BEND2: variants seen among roughly 807,000 people sequenced by gnomAD.
BEND2 encodes BEN domain containing 2, also known as BEN domain-containing protein 2.
A neutral mutation model predicts 43.8 loss-of-function variants in BEND2; 19 were observed. The observed-to-expected ratio is 0.43, with a 90% CI of 0.30 to 0.64. BEND2 has a LOEUF of 0.64. Among genes scored for constraint, BEND2 ranks in the 30% least tolerant of loss-of-function variants. The pLI is 0.11. For missense variants in BEND2, 544 were observed against 574.0 expected, an observed-to-expected ratio of 0.95 and a Z score of 0.53; for synonymous variants, 226 against 210.1, an observed-to-expected ratio of 1.08 and a Z score of -0.66.
intron 13 of BEND2, among the ~76,000 whole-genome samples, chrX:18,168,806 A>T (rs1923888577): frequency 8.9e-6 from 1 of 111,888 alleles, no homozygotes; most frequent in Non-Finnish European, 1.9e-5. Context: ...CAAATAACAA[A>T]ATATTAGGGT....
chrX:18,208,579 T>G (rs1450652993), intron 4 of BEND2, among the ~76,000 whole-genome samples: 2 of 111,517 alleles, frequency 1.8e-5, no homozygotes, highest in African/African-American at 6.5e-5. Context: ...ATATTTATAT[T>G]TTTAAATTCT....
Position 18,219,528 on chromosome X carries a change from G to A in BEND2, c.25+1198C>T, listed in dbSNP as rs773710332. On this transcript the variant is annotated intron_variant, in intron 1 of 13. Transcript: ENST00000380033. ...CACAGTCTGTCTCTAAATCAAACTCGGTTACCATCAAAGCCTCAGACTCTA... is the reference window on the plus strand; with the variant it reads ...CACAGTCTGTCTCTAAATCAAACTCAGTTACCATCAAAGCCTCAGACTCTA... 8.0e-5 allele frequency among the ~76,000 whole-genome samples: 9 copies of A among 112,816 alleles called. No individual in the cohort carries two copies. In the South Asian group the frequency reaches 3.3e-3, roughly 41 times the overall value.
chrX:18,166,898 A>T (rs142992285), intron 13 of BEND2, among the ~76,000 whole-genome samples: 1 of 110,119 alleles, frequency 9.1e-6, no homozygotes, highest in East Asian at 2.8e-4. Context: ...CTCCAAAATA[A>T]AAGAAACTGA....
intron 1 of BEND2, among the ~76,000 whole-genome samples, chrX:18,217,135 A>G (rs1249142130): frequency 1.8e-5 from 2 of 112,863 alleles, no homozygotes; most frequent in African/African-American, 6.4e-5. Flanking sequence ...TCTAAAAACT[A>G]ATATTAATGT....
At chrX:18,208,248 G>A (rs913826206) in intron 4 of BEND2, among the ~76,000 whole-genome samples, 20 of 110,723 alleles carry the variant, frequency 1.8e-4, no homozygotes, top group Non-Finnish European at 3.4e-4. Flanking sequence ...AGCACTTTGG[G>A]AGGCCGGGGC....
chrX:18,208,927 A>T (rs1602052601), intron 4 of BEND2, among the ~76,000 whole-genome samples: 1 of 111,221 alleles, frequency 9.0e-6, no homozygotes, highest in East Asian at 2.8e-4. Flanking sequence ...CTCCAACTAA[A>T]GGAACCGGGG....
In BEND2 at chrX:18,197,360, G is replaced by A. The variant is rs748304806; in HGVS notation, c.1034-1918C>T. Among the ~76,000 whole-genome samples, 4 of 111,678 alleles carry A rather than the reference G, an allele frequency of 3.6e-5. No homozygotes were observed. The South Asian group carries it at 1.1e-3, about 32-fold the overall frequency. On this transcript the variant is annotated intron_variant, in intron 6 of 13. Coordinates refer to ENST00000380033, the MANE Select transcript of BEND2 (RefSeq NM_153346.5). ...GAGGCAGGAGAATCTCTTGAACCCA[G>A]GAGGCAGAGGTTGCAGTGAGCCAAG...
chrX:18,174,368 T>C (rs922229369), intron 11 of BEND2, 110 bp from the exon 12 acceptor site: 4 of 649,897 alleles, frequency 6.2e-6, no homozygotes, highest in Non-Finnish European at 9.4e-6. Flanking sequence ...AACTGACTCT[T>C]TAAAAGGTGG....
intron 5 of BEND2, among the ~76,000 whole-genome samples, chrX:18,202,522 C>T (rs1241292718): frequency 8.9e-6 from 1 of 111,757 alleles, no homozygotes; most frequent in Non-Finnish European, 1.9e-5. Flanking sequence ...TGTCCTTCTA[C>T]CTTCTGCCAT....
chrX:18,206,606 G>A (rs780876888), intron 4 of BEND2, among the ~76,000 whole-genome samples: 1 of 110,937 alleles, frequency 9.0e-6, no homozygotes, highest in Non-Finnish European at 1.9e-5. Context: ...CTGAGTTCGG[G>A]GAGGGGACTA....
intron 6 of BEND2, among the ~76,000 whole-genome samples, chrX:18,198,735 A>G (rs1310850475): frequency 9.0e-6 from 1 of 110,624 alleles, no homozygotes; most frequent in Non-Finnish European, 1.9e-5. Flanking sequence ...TCATGCTGCT[A>G]TAAAGACACA....
At chrX:18,209,957 T>C (rs1049547036) in intron 4 of BEND2, among the ~76,000 whole-genome samples, 1 of 111,203 alleles carries the variant, frequency 9.0e-6, no homozygotes, top group African/African-American at 3.3e-5. Context: ...GGAAGCTGTG[T>C]CAAGCATATA....
At chrX:18,191,178 T>G in intron 7 of BEND2, 70 bp from the exon 8 acceptor site, 1 of 807,806 alleles carries the variant, frequency 1.2e-6, no homozygotes, top group Non-Finnish European at 1.8e-6. Context: ...TCAACCATGT[T>G]TTTTAGATCA....
At chrX:18,193,581 A>C (rs1190716227) in intron 7 of BEND2, among the ~76,000 whole-genome samples, 1 of 111,720 alleles carries the variant, frequency 9.0e-6, no homozygotes, top group Non-Finnish European at 1.9e-5. Flanking sequence ...ATTGTTGGGA[A>C]GAATAGGTAA....
At chrX:18,196,694 G>GAAA (rs59301009) in intron 6 of BEND2, among the ~76,000 whole-genome samples, 1 of 71,206 alleles carries the variant, frequency 1.4e-5, no homozygotes, top group Non-Finnish European at 2.8e-5. Flanking sequence ...CATACTGACT[G>GAAA]AAAAAAAAAA....
At chrX:18,189,170 A>AGCCT (rs1368251603) in intron 8 of BEND2, among the ~76,000 whole-genome samples, 19 of 99,505 alleles carry the variant, frequency 1.9e-4, no homozygotes, top group African/African-American at 6.7e-4. Context: ...ACTGCACTCC[A>AGCCT]GCCTGGGCGA....
Position 18,171,864 on chromosome X carries a change from A to G in BEND2, c.1982-660T>C, listed in dbSNP as rs187399092. ...AAGGACTTTTTCAAAAATAAGCTCC[A>G]TGATTCTTCCTGAAATACTTATAAT... is the stretch of plus-strand genomic sequence containing the variant. On this transcript the variant is annotated intron_variant, in intron 12 of 13. Coordinates refer to ENST00000380033, the MANE Select transcript of BEND2 (RefSeq NM_153346.5). Among the ~76,000 whole-genome samples the G allele has an allele frequency of 5.4e-3, 604 of 112,140 alleles. 4 individuals carry two copies. Among genetic ancestry groups the G allele is most frequent in the African/African-American group, 0.019 (577 of 30,996 alleles).
chrX:18,190,163 C>T (rs1275182208), intron 8 of BEND2, among the ~76,000 whole-genome samples: 1 of 111,669 alleles, frequency 9.0e-6, no homozygotes, highest in African/African-American at 3.3e-5. Context: ...AAATAGTTGA[C>T]GGTTTCTTAT....
chrX:18,219,323 G>A (rs1281158237), intron 1 of BEND2, among the ~76,000 whole-genome samples: 1 of 112,884 alleles, frequency 8.9e-6, no homozygotes, highest in Non-Finnish European at 1.9e-5. Flanking sequence ...AGCCAAATCA[G>A]GGCCTTTCCT....
Sources: gnomAD v4.1 joint callset for allele counts (sites outside exome capture counted in the v4.1 genomes callset) on GRCh38, gnomAD v4.1.1 for gene constraint, MANE v1.5 for transcripts, NCBI Gene and HGNC (gene_info 2026-07-23, HGNC 2026-07-21) for gene names.